The following ORC2 variants were observed in gnomAD, a reference collection of about 807,000 sequenced individuals.
The protein encoded by ORC2 is origin recognition complex protein 2 homolog.
A neutral mutation model predicts 77.7 loss-of-function variants in ORC2; 37 were observed. That is an observed-to-expected ratio of 0.48 (90% CI 0.37 to 0.63). ORC2 has a LOEUF of 0.63. ORC2 is among the 20% of genes least tolerant of loss of function. The pLI is 0.00. For synonymous variants in ORC2, 201 were observed against 229.5 expected, an observed-to-expected ratio of 0.88 and a Z score of 1.12; for missense variants, 557 against 661.9, an observed-to-expected ratio of 0.84 and a Z score of 1.74.
intron 10 of ORC2, among the ~76,000 whole-genome samples, chr2:200,931,721 A>G (rs1369404249): frequency 6.6e-6 from 1 of 152,234 alleles, no homozygotes; most frequent in Non-Finnish European, 1.5e-5. Context: ...ATAAACTCCA[A>G]GAATAGGCTT....
intron 6 of ORC2, among the ~76,000 whole-genome samples, chr2:200,942,401 T>C (rs537484225): frequency 6.6e-6 from 1 of 152,200 alleles, no homozygotes; most frequent in African/African-American, 2.4e-5. Flanking sequence ...CTTCTATAAA[T>C]AATTGGCTAA....
chr2:200,920,195 A>G, intron 15 of ORC2, 27 bp downstream of exon 15: 1 of 1,582,198 alleles, frequency 6.3e-7, no homozygotes, highest in Non-Finnish European at 8.6e-7. Flanking sequence ...ATAGTTTTTA[A>G]AAAAGAAATA....
chr2:200,935,596 G>A (rs2041026496), intron 9 of ORC2, 103 bp downstream of exon 9: 1 of 828,196 alleles, frequency 1.2e-6, no homozygotes, highest in South Asian at 2.0e-5. Flanking sequence ...ATAGAAAAGT[G>A]AAGAAAAAAT....
At chr2:200,926,310 CA>C (rs1205321192) in intron 12 of ORC2, among the ~76,000 whole-genome samples, 1 of 152,072 alleles carries the variant, frequency 6.6e-6, no homozygotes, top group African/African-American at 2.4e-5. Context: ...ATCCAGCACC[CA>C]AAAGATTTCA....
chr2:200,913,163 C>T (rs2040580114), intron 17 of ORC2, 132 bp downstream of exon 17: 1 of 578,760 alleles, frequency 1.7e-6, no homozygotes. Context: ...ATGGCACATC[C>T]CCTAAATGAA....
rs564705841 is a variant in ORC2 at position 200,923,173 on chromosome 2, C to T, written c.1148-2034G>A. Among the ~76,000 whole-genome samples, 15 of 152,248 alleles carry T rather than the reference C, an allele frequency of 9.9e-5. No homozygotes were observed. In the South Asian group the frequency reaches 2.9e-3, roughly 29 times the overall value. ...TTATTGAATACTGAACCACTGTTCC[C>T]AGAGGAAATACAGGGTTAGGTTCAA... On this transcript the variant is annotated intron_variant, in intron 13 of 17. Coordinates refer to ENST00000234296, the MANE Select transcript of ORC2 (RefSeq NM_006190.5).
chr2:200,913,719 G>T (rs2040590216), intron 16 of ORC2: 3 of 1,360,838 alleles, frequency 2.2e-6, no homozygotes, highest in Non-Finnish European at 2.8e-6. Context: ...AAGTAAGCTG[G>T]GTTTGTCTTT....
In ORC2 at chr2:200,935,338, G is replaced by C. The variant is rs1232055053; in HGVS notation, c.708+361C>G. Among the ~76,000 whole-genome samples, 7 of 152,184 alleles carry C rather than the reference G, an allele frequency of 4.6e-5. No individual in the cohort carries two copies. The East Asian group carries it at 1.2e-3, about 25-fold the overall frequency. On this transcript the variant is annotated intron_variant, in intron 9 of 17. Transcript: ENST00000234296. ...GGGTTTCACCATGTTGGCCAGGCTG[G>C]TCTCGAACTCCTGACCTCAGGTGAT...
chr2:200,952,528 T>C (rs2125025719), intron 4 of ORC2, among the ~76,000 whole-genome samples: 1 of 152,262 alleles, frequency 6.6e-6, no homozygotes, highest in East Asian at 1.9e-4. Context: ...CCCAAAGTGC[T>C]GGGATTACAG....
intron 4 of ORC2, among the ~76,000 whole-genome samples, chr2:200,956,995 T>C (rs2125035932): frequency 6.6e-6 from 1 of 151,830 alleles, no homozygotes; most frequent in Non-Finnish European, 1.5e-5. Flanking sequence ...GGGAACAACA[T>C]ATGCCACAGC....
At chr2:200,920,953 C>T in intron 14 of ORC2, 40 bp downstream of exon 14, 1 of 1,403,976 alleles carries the variant, frequency 7.1e-7, no homozygotes, top group South Asian at 1.7e-5. Flanking sequence ...TCTTGTAAGA[C>T]TGATATCTCT....
chr2:200,921,274 C>T (rs927341504), intron 13 of ORC2, 135 bp from the exon 14 acceptor site: 1 of 455,814 alleles, frequency 2.2e-6, no homozygotes. Context: ...ATCCTCCCAC[C>T]TCAGCCTCTC....
chr2:200,938,028 AAG>A (rs2041079205), intron 7 of ORC2, 62 bp from the exon 8 acceptor site: 1 of 1,218,860 alleles, frequency 8.2e-7, no homozygotes, highest in Non-Finnish European at 1.2e-6. Flanking sequence ...ATCTGAGTGA[AAG>A]AGGCTAGAAA....
intron 4 of ORC2, among the ~76,000 whole-genome samples, chr2:200,950,163 C>G (rs1054743702): frequency 2.0e-5 from 3 of 152,194 alleles, no homozygotes; most frequent in African/African-American, 7.2e-5. Flanking sequence ...AACCTCGTCT[C>G]TACTGAAAAT....
At chr2:200,942,219 C>T (rs959668515) in intron 6 of ORC2, among the ~76,000 whole-genome samples, 2 of 151,902 alleles carry the variant, frequency 1.3e-5, no homozygotes, top group Admixed American at 1.3e-4. Flanking sequence ...ACAGAAATGT[C>T]GGCAAGTGAC....
chr2:200,913,755 T>A (rs1343106727), intron 16 of ORC2, 176 bp downstream of exon 16: 4 of 1,391,328 alleles, frequency 2.9e-6, no homozygotes, highest in Non-Finnish European at 3.7e-6. Flanking sequence ...AACACCTTGC[T>A]CAGCAGTGGA....
chr2:200,912,346 CAG>C (rs1311626657), intron 17 of ORC2, among the ~76,000 whole-genome samples: 2 of 152,226 alleles, frequency 1.3e-5, no homozygotes, highest in Non-Finnish European at 2.9e-5. Context: ...GAACCTCAAA[CAG>C]AGTTGTCTAA....
chr2:200,930,004 G>A (rs954980950), intron 11 of ORC2, among the ~76,000 whole-genome samples: 3 of 152,074 alleles, frequency 2.0e-5, no homozygotes, highest in African/African-American at 7.2e-5. Flanking sequence ...CTGCTACTGA[G>A]AGTGAGGTAT....
intron 4 of ORC2, among the ~76,000 whole-genome samples, chr2:200,951,668 TAAA>T (rs1313549299): frequency 6.6e-6 from 1 of 152,238 alleles, no homozygotes; most frequent in Non-Finnish European, 1.5e-5. Context: ...TCCTTGGTAA[TAAA>T]GAATAAAAAT....
Sources: gnomAD v4.1 joint callset for allele counts (sites outside exome capture counted in the v4.1 genomes callset) on GRCh38, gnomAD v4.1.1 for gene constraint, MANE v1.5 for transcripts, NCBI Gene and HGNC (gene_info 2026-07-23, HGNC 2026-07-21) for gene names.